The following UNC5D variants were observed in gnomAD, a reference collection of about 807,000 sequenced individuals.
UNC5D encodes unc-5 netrin receptor D.
UNC5D carries 39 observed loss-of-function variants against 105.4 expected under a neutral mutation model. The ratio of observed to expected loss-of-function variants is 0.37; its 90% CI spans 0.29 to 0.48. The LOEUF (loss-of-function observed/expected upper bound fraction) is 0.48, where lower values mean the gene tolerates loss of function less well. Among genes scored for constraint, UNC5D ranks in the 20% least tolerant of loss-of-function variants. The pLI is 0.98. For missense variants in UNC5D, 991 were observed against 1,202.4 expected (o/e 0.82, Z 2.60); for synonymous variants, 452 against 450.4 (o/e 1.00, Z -0.04).
chr8:35,785,078 T>C (rs1310086279), intron 16 of UNC5D, among the ~76,000 whole-genome samples: 4 of 152,078 alleles, frequency 2.6e-5, no homozygotes, highest in African/African-American at 4.8e-5. Context: ...TCAAACACAC[T>C]CAGGAAATTG....
At chr8:35,669,755 T>TAA (rs1824656933) in intron 4 of UNC5D, among the ~76,000 whole-genome samples, 3 of 152,226 alleles carry the variant, frequency 2.0e-5, no homozygotes, top group South Asian at 4.1e-4. Flanking sequence ...TCTCAGATGA[T>TAA]AAGTTTCAAA....
Position 35,549,543 on chromosome 8 carries a change from G to A in UNC5D, c.322+33G>A, listed in dbSNP as rs768483174. On this transcript the variant is annotated intron_variant, in intron 2 of 16. Transcript: ENST00000404895. ...CGTGCAGCAGTCAGAAGCAGCTGTG[G>A]TGACTCTTTAGGTTCTCCTGTGGTT... is the stretch of plus-strand genomic sequence containing the variant. 5.7e-6 allele frequency: 9 copies of A among 1,592,164 alleles called. No homozygotes were observed. The East Asian group carries it at 6.8e-5, about 12-fold the overall frequency.
chr8:35,362,079 C>T (rs967395781), intron 1 of UNC5D, among the ~76,000 whole-genome samples: 2 of 152,216 alleles, frequency 1.3e-5, no homozygotes, highest in East Asian at 3.9e-4. Flanking sequence ...TAGTATCAGA[C>T]ATGATCTAAG....
At chr8:35,736,463 T>C (rs564124545) in intron 11 of UNC5D, among the ~76,000 whole-genome samples, 1 of 152,284 alleles carries the variant, frequency 6.6e-6, no homozygotes, top group East Asian at 1.9e-4. Context: ...AAAAATGAAA[T>C]GTCTTCAAGG....
At chr8:35,308,111 AATGTATGTGTGTGT>A (rs1180368991) in intron 1 of UNC5D, among the ~76,000 whole-genome samples, 2 of 108,610 alleles carry the variant, frequency 1.8e-5, no homozygotes, top group Non-Finnish European at 3.9e-5. Flanking sequence ...TCTATGTCAC[AATGTATGTGTGTGT>A]GTGTGTGTGT....
chr8:35,621,650 TA>T lies in UNC5D; in HGVS notation c.570+25999del, dbSNP rs550568235. Among the ~76,000 whole-genome samples the T allele has an allele frequency of 4.0e-5, 6 of 151,828 alleles. No individual in the cohort carries two copies. In the East Asian group the frequency reaches 1.2e-3, roughly 29 times the overall value. ...TGGCTTCTCATTAAAAAAATGAAAA[TA>T]AAAAAGATTGCAGAGCTTTGAACTG... is the stretch of plus-strand genomic sequence containing the variant. On this transcript the variant is annotated intron_variant, in intron 4 of 16. Transcript: ENST00000404895.
At chr8:35,643,742 A>C (rs1314832081) in intron 4 of UNC5D, among the ~76,000 whole-genome samples, 1 of 152,154 alleles carries the variant, frequency 6.6e-6, no homozygotes, top group African/African-American at 2.4e-5. Context: ...AGTGGCTTCT[A>C]AATGTCTAAA....
chr8:35,327,817 T>C (rs1465845397), intron 1 of UNC5D, among the ~76,000 whole-genome samples: 6 of 152,208 alleles, frequency 3.9e-5, no homozygotes, highest in Non-Finnish European at 7.3e-5. Context: ...AAGTACAATG[T>C]TGCAAGAGTC....
chr8:35,435,573 G>A (rs1806952960), intron 1 of UNC5D, among the ~76,000 whole-genome samples: 1 of 152,160 alleles, frequency 6.6e-6, no homozygotes, highest in East Asian at 1.9e-4. Context: ...ATATTTCTAA[G>A]CATATGAAAC....
chr8:35,494,189 G>A (rs10111986), intron 1 of UNC5D, among the ~76,000 whole-genome samples: 21,691 of 151,924 alleles, frequency 0.14, 1,939 homozygotes, highest in East Asian at 0.25. Flanking sequence ...GAAATTATTA[G>A]CACTTAGTAT....
chr8:35,435,152 C>T (rs149077316), intron 1 of UNC5D, among the ~76,000 whole-genome samples: 1 of 152,126 alleles, frequency 6.6e-6, no homozygotes, highest in East Asian at 1.9e-4. Flanking sequence ...ATCAAAATTA[C>T]TGTATCTATT....
intron 1 of UNC5D, among the ~76,000 whole-genome samples, chr8:35,485,396 G>A (rs1451594869): frequency 1.3e-5 from 2 of 152,132 alleles, no homozygotes; most frequent in African/African-American, 4.8e-5. Context: ...TCAGATTCCA[G>A]AATGTTAGGA....
intron 1 of UNC5D, among the ~76,000 whole-genome samples, chr8:35,397,259 CAT>C (rs1235410596): frequency 6.6e-6 from 1 of 152,124 alleles, no homozygotes; most frequent in African/African-American, 2.4e-5. Context: ...CTGCTGGGCA[CAT>C]ACCAACATTC....
chr8:35,512,453 C>T (rs1392668547), intron 1 of UNC5D, among the ~76,000 whole-genome samples: 4 of 94,922 alleles, frequency 4.2e-5, no homozygotes, highest in African/African-American at 1.7e-4. Flanking sequence ...GAGTTCAAGG[C>T]TAATAGTGAG....
At chr8:35,660,579 A>G (rs1824045122) in intron 4 of UNC5D, among the ~76,000 whole-genome samples, 1 of 152,208 alleles carries the variant, frequency 6.6e-6, no homozygotes, top group African/African-American at 2.4e-5. Context: ...TTCATCACTC[A>G]GATTCCACTG....
At chr8:35,412,798 C>T (rs1427922873) in intron 1 of UNC5D, among the ~76,000 whole-genome samples, 4 of 152,042 alleles carry the variant, frequency 2.6e-5, no homozygotes, top group Admixed American at 2.6e-4. Flanking sequence ...CTCCAGTGCT[C>T]TCCTATTTAT....
chr8:35,612,646 A>G (rs575456848), intron 4 of UNC5D, among the ~76,000 whole-genome samples: 51 of 152,032 alleles, frequency 3.4e-4, no homozygotes, highest in African/African-American at 1.2e-3. Context: ...AGCTTTAAAA[A>G]TGAAAGAAGA....
At chr8:35,263,771 A>AT (rs1000710616) in intron 1 of UNC5D, among the ~76,000 whole-genome samples, 16 of 152,078 alleles carry the variant, frequency 1.1e-4, no homozygotes, top group Non-Finnish European at 2.2e-4. Flanking sequence ...GATTTTTGCA[A>AT]TTTTTCAAAT....
Position 35,792,937 on chromosome 8 carries a change from A to G in UNC5D, c.*2374A>G, listed in dbSNP as rs770187390. Reference sequence around the variant, plus strand: ...TTAAGATGAGACAAGATTATTGTCAATCCCTGAATGTCTGGAGTTACCTCC... The same window carrying G: ...TTAAGATGAGACAAGATTATTGTCAGTCCCTGAATGTCTGGAGTTACCTCC... On this transcript the variant is annotated 3_prime_UTR_variant, in exon 17 of 17. Coordinates refer to ENST00000404895, the MANE Select transcript of UNC5D (RefSeq NM_080872.4). The G allele has an allele frequency of 8.0e-5, 35 of 437,690 alleles. 2 individuals are homozygous for G. Among genetic ancestry groups the G allele is most frequent in the South Asian group, 5.5e-4 (33 of 59,852 alleles). 27.1% of individuals were successfully genotyped at this position (437,690 alleles called of 1,614,324 possible). A position where few individuals can be genotyped will look rare whatever the true frequency, so the allele number is the denominator to read the frequency against.
Sources: gnomAD v4.1 joint callset for allele counts (sites outside exome capture counted in the v4.1 genomes callset) on GRCh38, gnomAD v4.1.1 for gene constraint, MANE v1.5 for transcripts, NCBI Gene and HGNC (gene_info 2026-07-23, HGNC 2026-07-21) for gene names.